Variants in SMARCC1 observed in about 807,000 individuals in gnomAD.
SMARCC1 encodes the protein SWI/SNF related BAF chromatin remodeling complex subunit C1, also known as SWI/SNF complex subunit SMARCC1.
In SMARCC1, 43 loss-of-function variants were observed where a neutral mutation model predicts 147.4. The ratio of observed to expected loss-of-function variants is 0.29; its 90% CI spans 0.23 to 0.38. SMARCC1 has a LOEUF of 0.38. SMARCC1 is among the 10% of genes least tolerant of loss of function. The pLI, the probability that SMARCC1 is intolerant of heterozygous loss-of-function variation, is 1.00. For synonymous variants in SMARCC1, 495 were observed against 484.4 expected (o/e 1.02, Z -0.29); for missense variants, 1,119 against 1,381.1 (o/e 0.81, Z 3.01).
chr3:47,752,962 T>C lies in SMARCC1; in HGVS notation c.316-6969A>G, dbSNP rs145071532. On this transcript the variant is annotated intron_variant, in intron 2 of 27. Coordinates refer to ENST00000254480, the MANE Select transcript of SMARCC1 (RefSeq NM_003074.4). ...TATCCCTGGCTGACTCTATTGGAAATTTAATCTGATCTTATCCTGGGTATA... is the reference window on the plus strand; with the variant it reads ...TATCCCTGGCTGACTCTATTGGAAACTTAATCTGATCTTATCCTGGGTATA... 3.9e-3 allele frequency among the ~76,000 whole-genome samples: 591 copies of C among 152,246 alleles called. 1 individual carries two copies. Among genetic ancestry groups the C allele is most frequent in the Non-Finnish European group, 6.4e-3 (436 of 68,002 alleles).
At chr3:47,740,581 C>T (rs2034498214) in intron 3 of SMARCC1, among the ~76,000 whole-genome samples, 1 of 151,986 alleles carries the variant, frequency 6.6e-6, no homozygotes, top group Admixed American at 6.6e-5. Flanking sequence ...CCTCGTGATC[C>T]ACCCACCTCA....
chr3:47,657,312 C>T (rs2033276416), intron 21 of SMARCC1, among the ~76,000 whole-genome samples: 1 of 152,146 alleles, frequency 6.6e-6, no homozygotes, highest in Non-Finnish European at 1.5e-5. Flanking sequence ...GAATAGACCA[C>T]ATGTTAGGCA....
rs544876171 is a variant in SMARCC1 at position 47,752,988 on chromosome 3, T to C, written c.316-6995A>G. Among the ~76,000 whole-genome samples the C allele has an allele frequency of 3.9e-5, 6 of 152,304 alleles. No homozygotes were observed. The South Asian group carries it at 1.2e-3, about 32-fold the overall frequency. On this transcript the variant is annotated intron_variant, in intron 2 of 27. Coordinates refer to ENST00000254480, the MANE Select transcript of SMARCC1 (RefSeq NM_003074.4). ...TTAATCTGATCTTATCCTGGGTATA[T>C]ATAAGTGGTTTCACCCTACTTATTT...
chr3:47,648,815 C>CA (rs1403351690), intron 21 of SMARCC1, among the ~76,000 whole-genome samples: 1 of 152,028 alleles, frequency 6.6e-6, no homozygotes, highest in Non-Finnish European at 1.5e-5. Flanking sequence ...ATGTGTAGCA[C>CA]AAAAAATAGC....
At chr3:47,619,701 A>G (rs2032699350) in intron 25 of SMARCC1, among the ~76,000 whole-genome samples, 1 of 152,236 alleles carries the variant, frequency 6.6e-6, no homozygotes, top group Non-Finnish European at 1.5e-5. Flanking sequence ...TTACAGAGAC[A>G]TAAGCTCAAT....
intron 25 of SMARCC1, among the ~76,000 whole-genome samples, chr3:47,618,662 T>C (rs2106680603): frequency 6.6e-6 from 1 of 152,254 alleles, no homozygotes; most frequent in East Asian, 1.9e-4. Flanking sequence ...GGAGCGGTTA[T>C]ACACTGCCCC....
chr3:47,775,180 T>G (rs1461435544), intron 1 of SMARCC1, among the ~76,000 whole-genome samples: 1 of 150,860 alleles, frequency 6.6e-6, no homozygotes, highest in Non-Finnish European at 1.5e-5. Flanking sequence ...TTTTTTTTTT[T>G]GAGACAGTCT....
At chr3:47,650,437 C>T (rs1243204941) in intron 21 of SMARCC1, among the ~76,000 whole-genome samples, 2 of 151,686 alleles carry the variant, frequency 1.3e-5, no homozygotes, top group African/African-American at 2.4e-5. Context: ...TGTAAGTAAA[C>T]AAACTACAAG....
At chr3:47,688,572 A>T (rs1019938965) in intron 13 of SMARCC1, among the ~76,000 whole-genome samples, 3 of 152,212 alleles carry the variant, frequency 2.0e-5, no homozygotes, top group Non-Finnish European at 4.4e-5. Context: ...GTTTATTTTT[A>T]AAAAATTAAA....
At chr3:47,615,605 G>A (rs1384577752) in intron 25 of SMARCC1, among the ~76,000 whole-genome samples, 1 of 152,120 alleles carries the variant, frequency 6.6e-6, no homozygotes, top group African/African-American at 2.4e-5. Context: ...ACTTCCTTAA[G>A]TACAGGGTCT....
intron 26 of SMARCC1, among the ~76,000 whole-genome samples, chr3:47,591,876 A>G (rs2032189844): frequency 6.6e-6 from 1 of 152,186 alleles, no homozygotes; most frequent in South Asian, 2.1e-4. Flanking sequence ...ACCCTACAGT[A>G]TTCAATACTG....
chr3:47,649,414 A>C (rs1430632218), intron 21 of SMARCC1, among the ~76,000 whole-genome samples: 2 of 152,194 alleles, frequency 1.3e-5, no homozygotes, highest in South Asian at 4.1e-4. Flanking sequence ...GGATTATCTT[A>C]ATCTCATAAT....
intron 21 of SMARCC1, 148 bp downstream of exon 21, chr3:47,661,146 G>GA (rs2033340516): frequency 3.6e-5 from 21 of 581,044 alleles, no homozygotes; most frequent in South Asian, 8.3e-5. Flanking sequence ...ACAGACAAGA[G>GA]AAAAAAAATC....
intron 5 of SMARCC1, among the ~76,000 whole-genome samples, chr3:47,733,003 G>A (rs1404921105): frequency 1.3e-5 from 2 of 151,928 alleles, no homozygotes; most frequent in African/African-American, 2.4e-5. Flanking sequence ...AGCTACTCAG[G>A]AGGCTGAGTC....
intron 1 of SMARCC1, 30 bp downstream of exon 1, chr3:47,781,573 C>T (rs1051036175): frequency 1.4e-6 from 2 of 1,479,364 alleles, no homozygotes; most frequent in African/African-American, 1.5e-5. Context: ...GTCGCGTGGT[C>T]TCCCGGCCCC....
At chr3:47,713,159 A>T (rs1397391124) in intron 8 of SMARCC1, among the ~76,000 whole-genome samples, 2 of 151,778 alleles carry the variant, frequency 1.3e-5, no homozygotes, top group Non-Finnish European at 2.9e-5. Flanking sequence ...CATCTCTACT[A>T]AAAAAAGAAA....
Position 47,628,564 on chromosome 3 carries a change from T to A in SMARCC1, c.2647-6223A>T, listed in dbSNP as rs571406712. Among the ~76,000 whole-genome samples, 5 of 152,300 alleles carry A rather than the reference T, an allele frequency of 3.3e-5. No individual in the cohort carries two copies. The South Asian group carries it at 1.0e-3, about 32-fold the overall frequency. On this transcript the variant is annotated intron_variant, in intron 24 of 27. Transcript: ENST00000254480. ...AGGCAAGAAAACATAGGTGTGGCTT[T>A]TGTCTAACGGGAATTACTTTTTTTC...
At chr3:47,674,986 T>C (rs921227508) in intron 18 of SMARCC1, among the ~76,000 whole-genome samples, 1 of 152,118 alleles carries the variant, frequency 6.6e-6, no homozygotes, top group African/African-American at 2.4e-5. Context: ...CCTCCTGCCT[T>C]GGCCTCCCAA....
chr3:47,615,540 C>T (rs1413125654), intron 25 of SMARCC1, among the ~76,000 whole-genome samples: 1 of 152,182 alleles, frequency 6.6e-6, no homozygotes, highest in Admixed American at 6.6e-5. Flanking sequence ...ATTTTCATAG[C>T]CCCATCATCT....
Sources: gnomAD v4.1 joint callset for allele counts (sites outside exome capture counted in the v4.1 genomes callset) on GRCh38, gnomAD v4.1.1 for gene constraint, MANE v1.5 for transcripts, NCBI Gene and HGNC (gene_info 2026-07-23, HGNC 2026-07-21) for gene names.